The following USP29 variants were observed in gnomAD, a reference collection of about 807,000 sequenced individuals.
The protein encoded by USP29 is ubiquitin specific peptidase 29.
For missense variants in USP29, 1,102 were observed against 1,069.0 expected (o/e 1.03, Z -0.43); for synonymous variants, 386 against 387.4 (o/e 1.00, Z 0.04).
chr19:57,130,617 G>T lies in USP29; in HGVS notation c.1942G>T (p.Ala648Ser). The change falls in exon 4 of 4, where the codon GCT becomes TCT. Residue 648 changes from alanine to serine, a missense_variant. Physicochemically the swap from Ala to Ser is moderately conservative, Grantham distance 99. Coordinates refer to ENST00000254181, the MANE Select transcript of USP29 (RefSeq NM_020903.3). Reference sequence around the variant, plus strand: ...AATCGGTGAAAAGGAGCTTCCAGTGGCTGACTCACTGATGGACCAGGGAGA... The same window carrying T: ...AATCGGTGAAAAGGAGCTTCCAGTGTCTGACTCACTGATGGACCAGGGAGA... ...RAIGEKELPV[A>S]DSLMDQGDIS... The T allele has an allele frequency of 2.5e-6, 4 of 1,614,126 alleles. No homozygotes were observed. The highest frequency in any genetic ancestry group is 1.1e-5 in the South Asian group (1 of 91,084).
intron 1 of USP29, among the ~76,000 whole-genome samples, chr19:57,121,613 G>A (rs11669447): frequency 1.4e-5 from 2 of 143,850 alleles, no homozygotes; most frequent in African/African-American, 5.1e-5. Flanking sequence ...TGTTATATAT[G>A]CTTATATGTA....
At chr19:57,125,963 G>A (rs1476828956) in intron 3 of USP29, among the ~76,000 whole-genome samples, 1 of 152,100 alleles carries the variant, frequency 6.6e-6, no homozygotes, top group Non-Finnish European at 1.5e-5. Context: ...GCCTGGTGGT[G>A]ACAAAATCCC....
At chr19:57,126,754 G>T (rs2086826355) in intron 3 of USP29, among the ~76,000 whole-genome samples, 1 of 152,000 alleles carries the variant, frequency 6.6e-6, no homozygotes, top group Admixed American at 6.6e-5. Context: ...CTGAAGCCTA[G>T]TTCTATCAAT....
In USP29 at chr19:57,128,666, T is replaced by C. The variant is rs376036890; in HGVS notation, c.-10T>C. On this transcript the variant is annotated 5_prime_UTR_variant, in exon 4 of 4. Transcript: ENST00000254181. The stretch of plus-strand genomic sequence containing the variant: ...GTGTGCTTTTCTTCTTTAGGTTACA[T>C]AAAGAAAGGATGATATCTCTAAAGG... 1 of 1,546,036 alleles carries C rather than the reference T, an allele frequency of 6.5e-7. No homozygotes were observed. Among genetic ancestry groups the C allele is most frequent in the African/African-American group, 1.4e-5 (1 of 72,040 alleles).
Position 57,129,272 on chromosome 19 carries a change from C to T in USP29, c.597C>T (p.Ser199=). 6.2e-7 allele frequency: 1 copy of T among 1,613,186 alleles called. No individual in the cohort carries two copies. Among genetic ancestry groups the T allele is most frequent in the Non-Finnish European group, 8.5e-7 (1 of 1,179,858 alleles). The part of the protein sequence containing the change: ...PVPNKKYKTD[S]LKYIQSNRKN... ...CAAACAAGAAATATAAGACAGATTC[C>T]TTGAAATATATACAAAGCAATAGGA... is the stretch of plus-strand genomic sequence containing the variant. Residue 199 remains serine (S), a synonymous_variant, in exon 4 of 4, where the codon TCC becomes TCT. Coordinates refer to ENST00000254181, the MANE Select transcript of USP29 (RefSeq NM_020903.3).
rs75108927 is a variant in USP29, at chr19:57,130,140, T to C, written c.1465T>C (p.Cys489Arg). The C allele has an allele frequency of 1.6e-4, 258 of 1,614,014 alleles. No homozygotes were observed. In the African/African-American group the frequency reaches 3.3e-3, roughly 21 times the overall value. ...AGAGCTTGAATATAACTGTCAGATG[T>C]GTAAGCAGAAGAGTTGTGTTGCAAG... ...EEELEYNCQMCKQKSCVARHT... is the reference protein window; with the variant it reads ...EEELEYNCQMRKQKSCVARHT... The change falls in exon 4 of 4, where the codon TGT becomes CGT. Residue 489 changes from cysteine to arginine, a missense_variant. By Grantham distance (180) the Cys-to-Arg change is radical. Transcript: ENST00000254181.
In USP29 at chr19:57,124,119, C is replaced by G. The variant is rs867713923; in HGVS notation, c.-37C>G. The G allele has an allele frequency of 2.6e-5, 4 of 152,282 alleles. No individual in the cohort carries two copies. The highest frequency in any genetic ancestry group is 2.9e-5 in the Non-Finnish European group (2 of 68,034). The allele number at this position is 152,282 out of a possible 1,614,324, so 9.4% of individuals were successfully genotyped here. ...AAGCTTAAACTTCAGTAAATTGACT[C>G]AAGTTTCTTCGGAAAGAACTGTGAG... On this transcript the variant is annotated 5_prime_UTR_variant, in exon 3 of 4. Coordinates refer to ENST00000254181, the MANE Select transcript of USP29 (RefSeq NM_020903.3).
intron 2 of USP29, among the ~76,000 whole-genome samples, chr19:57,123,154 A>G (rs2146950210): frequency 6.6e-6 from 1 of 152,272 alleles, no homozygotes; most frequent in East Asian, 1.9e-4. Context: ...AAAGTCCCTT[A>G]ATGTATTAAT....
rs1027392 is a variant in USP29, at chr19:57,129,778, A to G, written c.1103A>G (p.Asn368Ser). The part of the protein sequence containing the change: ...ISAVAEIFSG[N>S]MQNDAHEFLG... ...GCAGTTGCAGAAATATTTTCTGGCAACATGCAGAATGATGCTCATGAGTTT... is the reference window on the plus strand; with the variant it reads ...GCAGTTGCAGAAATATTTTCTGGCAGCATGCAGAATGATGCTCATGAGTTT... The change falls in exon 4 of 4, where the codon AAC becomes AGC. Residue 368 changes from asparagine to serine, a missense_variant. By Grantham distance (46) the Asn-to-Ser change is conservative. Coordinates refer to ENST00000254181, the MANE Select transcript of USP29 (RefSeq NM_020903.3). The G allele has an allele frequency of 0.65, 1,052,754 of 1,613,760 alleles. 346,975 individuals are homozygous for G. The highest frequency in any genetic ancestry group is 0.93 in the East Asian group (41,635 of 44,874).
At chr19:57,128,428 G>A (rs1036468456) in intron 3 of USP29, among the ~76,000 whole-genome samples, 14 of 152,044 alleles carry the variant, frequency 9.2e-5, no homozygotes, top group African/African-American at 3.4e-4. Flanking sequence ...ATCTCTGTTG[G>A]CCATTTGTAT....
At chr19:57,123,396 A>C (rs1314674214) in intron 2 of USP29, among the ~76,000 whole-genome samples, 2 of 152,218 alleles carry the variant, frequency 1.3e-5, no homozygotes, top group African/African-American at 2.4e-5. Flanking sequence ...TAGAATTAGC[A>C]ATAGGAATAT....
At position 57,131,630 on chromosome 19, in the gene USP29, C is replaced by G; in HGVS notation, c.*186C>G. 1.1e-6 allele frequency: 1 copy of G among 883,190 alleles called. No homozygotes were observed. Among genetic ancestry groups the G allele is most frequent in the Non-Finnish European group, 1.7e-6 (1 of 599,172 alleles). The allele number at this position is 883,190 out of a possible 1,614,324, so 54.7% of individuals were successfully genotyped here. The stretch of plus-strand genomic sequence containing the variant: ...AGACACCTAGATCCCAGAACTCAGG[C>G]GCATATGCATATTTTCCCTGCAAGA... On this transcript the variant is annotated 3_prime_UTR_variant, in exon 4 of 4. Coordinates refer to ENST00000254181, the MANE Select transcript of USP29 (RefSeq NM_020903.3).
intron 2 of USP29, among the ~76,000 whole-genome samples, 162 bp downstream of exon 2, chr19:57,122,636 A>T (rs570259452): frequency 1.1e-4 from 16 of 151,796 alleles, no homozygotes; most frequent in African/African-American, 3.9e-4. Context: ...GATGAGGGGA[A>T]TTTCATCTTC....
chr19:57,127,299 G>A (rs2086828759), intron 3 of USP29, among the ~76,000 whole-genome samples: 1 of 152,226 alleles, frequency 6.6e-6, no homozygotes, highest in Non-Finnish European at 1.5e-5. Flanking sequence ...GCTGTGCTGG[G>A]AAAATCCCTC....
At position 57,129,757 on chromosome 19, in the gene USP29, T is replaced by A; in HGVS notation, c.1082T>A (p.Val361Asp). Residue 361 changes from valine (V) to aspartate (D), a missense_variant, in exon 4 of 4, where the codon GTT (valine) becomes GAT (aspartate). Coordinates refer to ENST00000254181, the MANE Select transcript of USP29 (RefSeq NM_020903.3). ...AATGTTAAAAAAGTCATTTCAGCAG[T>A]TGCAGAAATATTTTCTGGCAACATG... ...LGNVKKVISA[V>D]AEIFSGNMQN... The A allele has an allele frequency of 6.2e-7, 1 of 1,614,138 alleles. No homozygotes were observed. The highest frequency in any genetic ancestry group is 1.1e-5 in the South Asian group (1 of 91,064).
At position 57,130,571 on chromosome 19, in the gene USP29, G is replaced by A; in HGVS notation, c.1896G>A (p.Leu632=). ...ATGGCTCTGCACTAGAGTCAGAATT[G>A]GTCCACTTTAGAGATAGGGCAATCG... The part of the protein sequence containing the change: ...LENGSALESE[L]VHFRDRAIGE... The change falls in exon 4 of 4, where the codon TTG becomes TTA. Residue 632 remains leucine (L), a synonymous_variant. Transcript: ENST00000254181. 1.2e-6 allele frequency: 2 copies of A among 1,613,996 alleles called. No individual in the cohort carries two copies. The highest frequency in any genetic ancestry group is 2.2e-5 in the East Asian group (1 of 44,888).
chr19:57,128,734 C>G lies in USP29; in HGVS notation c.59C>G (p.Thr20Ser). The G allele has an allele frequency of 6.2e-7, 1 of 1,611,264 alleles. No individual in the cohort carries two copies. Among genetic ancestry groups the G allele is most frequent in the Non-Finnish European group, 8.5e-7 (1 of 1,179,338 alleles). The change falls in exon 4 of 4, where the codon ACT (threonine) becomes AGT (serine). Residue 20 changes from threonine to serine, a missense_variant. By Grantham distance (58) the Thr-to-Ser change is moderately conservative. Coordinates refer to ENST00000254181, the MANE Select transcript of USP29 (RefSeq NM_020903.3). ...IQIWSQKTGM[T>S]KLKEALIETV... ...ATTTGGAGCCAGAAGACTGGGATGA[C>G]TAAGCTGAAAGAAGCTCTCATTGAA...
In USP29 at chr19:57,130,400, C is replaced by A. The variant is rs760230585; in HGVS notation, c.1725C>A (p.Ser575Arg). 9.9e-6 allele frequency: 16 copies of A among 1,614,032 alleles called. No individual in the cohort carries two copies. The highest frequency in any genetic ancestry group is 2.7e-5 in the African/African-American group (2 of 74,902). Residue 575 changes from serine to arginine, a missense_variant, in exon 4 of 4, where the codon AGC (serine) becomes AGA (arginine). Physicochemically the swap from Ser to Arg is moderately radical, Grantham distance 110 (BLOSUM62 -1). Transcript: ENST00000254181. ...VSQEMISEIN[S>R]PLTPSMKLTS... is the part of the protein sequence containing the mutation. ...AGGAGATGATTTCTGAGATCAACAG[C>A]CCATTGACACCATCAATGAAGCTGA...
chr19:57,123,334 A>T (rs1949315681), intron 2 of USP29, among the ~76,000 whole-genome samples: 1 of 152,212 alleles, frequency 6.6e-6, no homozygotes, highest in South Asian at 2.1e-4. Context: ...CCCTCCCATG[A>T]TGGAGCCTTA....
Sources: gnomAD v4.1 joint callset for allele counts (sites outside exome capture counted in the v4.1 genomes callset) on GRCh38, gnomAD v4.1.1 for gene constraint, MANE v1.5 for transcripts, NCBI Gene and HGNC (gene_info 2026-07-23, HGNC 2026-07-21) for gene names.